The following PPP3CA variants were observed in gnomAD, a reference collection of about 807,000 sequenced individuals.
PPP3CA encodes protein phosphatase 3 catalytic subunit alpha.
A neutral mutation model predicts 66.5 loss-of-function variants in PPP3CA; 14 were observed. That is an observed-to-expected ratio of 0.21 (90% confidence interval 0.14 to 0.33). The LOEUF is 0.33. Among genes scored for constraint, PPP3CA ranks in the 10% least tolerant of loss-of-function variants. PPP3CA has a pLI of 1.00. For missense variants in PPP3CA, 317 were observed against 639.5 expected, an observed-to-expected ratio of 0.50 and a Z score of 5.44; for synonymous variants, 232 against 226.2, an observed-to-expected ratio of 1.03 and a Z score of -0.23.
At chr4:101,108,723 C>T (rs557745427) in intron 3 of PPP3CA, among the ~76,000 whole-genome samples, 1 of 152,194 alleles carries the variant, frequency 6.6e-6, no homozygotes, top group Non-Finnish European at 1.5e-5. Flanking sequence ...TAGCAGAGAT[C>T]ACGCCACTGC....
At chr4:101,183,715 T>C (rs1283673596) in intron 2 of PPP3CA, among the ~76,000 whole-genome samples, 2 of 152,136 alleles carry the variant, frequency 1.3e-5, no homozygotes, top group Non-Finnish European at 2.9e-5. Context: ...GAACAATGCA[T>C]CTCATCCCTT....
intron 3 of PPP3CA, among the ~76,000 whole-genome samples, chr4:101,106,128 G>GC (rs1264180681): frequency 6.6e-6 from 1 of 151,868 alleles, no homozygotes; most frequent in East Asian, 1.9e-4. Context: ...ATGGAGACCA[G>GC]CCTGGGCAAC....
intron 2 of PPP3CA, among the ~76,000 whole-genome samples, chr4:101,149,221 T>C (rs983189291): frequency 2.6e-5 from 4 of 152,162 alleles, no homozygotes; most frequent in Non-Finnish European, 5.9e-5. Context: ...TTTCTTCACA[T>C]GCATTGCAAC....
In PPP3CA at chr4:101,243,052, C is replaced by T. The variant is rs1726363301; in HGVS notation, c.59-46936G>A. Among the ~76,000 whole-genome samples the T allele has an allele frequency of 2.0e-5, 3 of 152,134 alleles. No homozygotes were observed. The South Asian group carries it at 6.2e-4, about 32-fold the overall frequency. On this transcript the variant is annotated intron_variant, in intron 1 of 13. Transcript: ENST00000394854. ...AGGTTGATGATGACCATGGCAGTGGCTCCAAAACAATAATGACTCAAAACC... is the reference window on the plus strand; with the variant it reads ...AGGTTGATGATGACCATGGCAGTGGTTCCAAAACAATAATGACTCAAAACC...
At chr4:101,323,996 C>A (rs1242182990) in intron 1 of PPP3CA, among the ~76,000 whole-genome samples, 2 of 152,000 alleles carry the variant, frequency 1.3e-5, no homozygotes, top group Non-Finnish European at 2.9e-5. Flanking sequence ...ACTTGTAATC[C>A]CAGCTACTCA....
intron 1 of PPP3CA, among the ~76,000 whole-genome samples, chr4:101,307,251 T>C (rs1362976352): frequency 6.6e-6 from 1 of 151,836 alleles, no homozygotes; most frequent in South Asian, 2.1e-4. Flanking sequence ...CCTGAATGTC[T>C]GAGGGTAAGA....
At chr4:101,190,046 A>G (rs769133828) in intron 2 of PPP3CA, among the ~76,000 whole-genome samples, 3 of 152,118 alleles carry the variant, frequency 2.0e-5, no homozygotes, top group Non-Finnish European at 2.9e-5. Flanking sequence ...AAAAATGAAT[A>G]TAGCATAGAT....
chr4:101,096,998 T>A (rs923558349), intron 5 of PPP3CA, among the ~76,000 whole-genome samples: 3 of 151,240 alleles, frequency 2.0e-5, no homozygotes, highest in African/African-American at 4.9e-5. Context: ...ACCAAGGGAG[T>A]CTTTGTATGA....
At chr4:101,212,891 C>T (rs188125391) in intron 1 of PPP3CA, among the ~76,000 whole-genome samples, 36 of 151,828 alleles carry the variant, frequency 2.4e-4, no homozygotes, top group Middle Eastern at 3.4e-3. Flanking sequence ...ATGTTATAAA[C>T]GGTTAAATTT....
chr4:101,193,020 T>A (rs916682292), intron 2 of PPP3CA, among the ~76,000 whole-genome samples: 2 of 152,228 alleles, frequency 1.3e-5, no homozygotes, highest in Non-Finnish European at 1.5e-5. Flanking sequence ...AGGAACACAT[T>A]TTGGTTTTAA....
intron 1 of PPP3CA, among the ~76,000 whole-genome samples, chr4:101,207,811 C>T (rs934940363): frequency 6.7e-6 from 1 of 149,564 alleles, no homozygotes; most frequent in African/African-American, 2.5e-5. Context: ...GGTGACAGAG[C>T]GAGACTCCGT....
At chr4:101,262,379 G>A in intron 1 of PPP3CA, among the ~76,000 whole-genome samples, 2 of 152,108 alleles carry the variant, frequency 1.3e-5, no homozygotes, top group Middle Eastern at 3.4e-3. Flanking sequence ...CCAAATATAA[G>A]TATATATAAT....
chr4:101,304,725 T>G (rs1202732182), intron 1 of PPP3CA, among the ~76,000 whole-genome samples: 2 of 152,244 alleles, frequency 1.3e-5, no homozygotes, highest in East Asian at 1.9e-4. Flanking sequence ...ACTTCTAGGA[T>G]AGTCACAGGT....
At chr4:101,214,510 T>C (rs1238772059) in intron 1 of PPP3CA, among the ~76,000 whole-genome samples, 9 of 152,102 alleles carry the variant, frequency 5.9e-5, no homozygotes, top group Admixed American at 5.9e-4. Context: ...AGACTAATGA[T>C]AGGCCACCAT....
intron 1 of PPP3CA, among the ~76,000 whole-genome samples, chr4:101,207,820 G>A (rs1404996205): frequency 4.9e-5 from 7 of 143,578 alleles, no homozygotes; most frequent in Non-Finnish European, 7.4e-5. Context: ...GCGAGACTCC[G>A]TCTAAACAAA....
intron 2 of PPP3CA, among the ~76,000 whole-genome samples, chr4:101,186,526 G>A (rs980346457): frequency 8.6e-5 from 13 of 151,762 alleles, no homozygotes; most frequent in African/African-American, 2.7e-4. Context: ...GCATATATTT[G>A]GCTATTTACT....
intron 1 of PPP3CA, among the ~76,000 whole-genome samples, chr4:101,263,019 G>A (rs994825859): frequency 6.6e-6 from 1 of 152,154 alleles, no homozygotes; most frequent in African/African-American, 2.4e-5. Context: ...TAAAGAGAAT[G>A]AGCTTATGAT....
rs556919963 is a variant in PPP3CA, at chr4:101,126,219, T to C, written c.260-17141A>G. ...GTAGTATCCTGTGATGTCTAAAATA[T>C]GGTGAAAACATTTTAAGTACCATGA... On this transcript the variant is annotated intron_variant, in intron 2 of 13. Transcript: ENST00000394854. 5.9e-5 allele frequency among the ~76,000 whole-genome samples: 9 copies of C among 152,322 alleles called. No homozygotes were observed. In the South Asian group the frequency reaches 1.4e-3, roughly 25 times the overall value.
chr4:101,222,302 T>C lies in PPP3CA; in HGVS notation c.59-26186A>G, dbSNP rs75538968. Among the ~76,000 whole-genome samples the C allele has an allele frequency of 1.6e-4, 24 of 151,734 alleles. No individual in the cohort carries two copies. In the East Asian group the frequency reaches 4.3e-3, roughly 27 times the overall value. On this transcript the variant is annotated intron_variant, in intron 1 of 13. Coordinates refer to ENST00000394854, the MANE Select transcript of PPP3CA (RefSeq NM_000944.5). The stretch of plus-strand genomic sequence containing the variant: ...TATATATGTGAGAACCACATGATAA[T>C]ATAAGTGGACGCAATTCATTTCCCC...
Sources: allele counts gnomAD v4.1 joint callset (sites outside exome capture counted in the v4.1 genomes callset), GRCh38; gene constraint gnomAD v4.1.1; transcripts MANE v1.5; gene names NCBI Gene and HGNC (gene_info 2026-07-23, HGNC 2026-07-21).